Variants in FGF12 observed in about 807,000 individuals in gnomAD.
The protein encoded by FGF12 is fibroblast growth factor 12, also known as fibroblast growth factor 12B.
FGF12 carries 14 observed loss-of-function variants against 23.6 expected under a neutral mutation model. The observed-to-expected ratio is 0.59, with a 90% CI of 0.39 to 0.93. The LOEUF (loss-of-function observed/expected upper bound fraction) is 0.93. Among genes scored for constraint, FGF12 ranks in the 40% least tolerant of loss-of-function variants. The probability of loss-of-function intolerance (pLI) is 0.00; values close to 1 mark genes in which losing one functional copy is unlikely to be tolerated. For missense variants in FGF12, 175 were observed against 217.8 expected, an observed-to-expected ratio of 0.80 and a Z score of 1.24; for synonymous variants, 62 against 77.3, an observed-to-expected ratio of 0.80 and a Z score of 1.04.
intron 2 of FGF12, among the ~76,000 whole-genome samples, chr3:192,551,515 G>A (rs1457546499): frequency 6.6e-6 from 1 of 152,194 alleles, no homozygotes; most frequent in Admixed American, 6.5e-5. Flanking sequence ...ATTAAACAGT[G>A]CTCATAGATG....
At chr3:192,265,457 T>C (rs891923427) in intron 4 of FGF12, 1 of 152,154 alleles carries the variant, frequency 6.6e-6, no homozygotes, top group Non-Finnish European at 1.5e-5. Flanking sequence ...TCATGATAAG[T>C]ATTGATAAAG....
chr3:192,486,299 C>T (rs1723630767), intron 2 of FGF12, among the ~76,000 whole-genome samples: 1 of 151,878 alleles, frequency 6.6e-6, no homozygotes, highest in South Asian at 2.1e-4. Flanking sequence ...AACATGAAAG[C>T]AAATAGTTTT....
chr3:192,386,290 G>A (rs1405132955), intron 2 of FGF12, among the ~76,000 whole-genome samples: 1 of 152,166 alleles, frequency 6.6e-6, no homozygotes, highest in African/African-American at 2.4e-5. Context: ...ATGTTGGTGT[G>A]TAATTATACA....
chr3:192,329,034 T>C (rs183296060), intron 4 of FGF12, among the ~76,000 whole-genome samples: 43 of 152,324 alleles, frequency 2.8e-4, no homozygotes, highest in Non-Finnish European at 2.8e-4. Flanking sequence ...CGTCTATACT[T>C]GAAATAGGCA....
At chr3:192,233,877 G>A (rs934920566) in intron 4 of FGF12, among the ~76,000 whole-genome samples, 2 of 151,904 alleles carry the variant, frequency 1.3e-5, no homozygotes, top group Non-Finnish European at 2.9e-5. Context: ...TTATTTCCGG[G>A]TTATCTAATA....
intron 2 of FGF12, among the ~76,000 whole-genome samples, chr3:192,505,307 T>C (rs1286971547): frequency 2.6e-5 from 4 of 152,220 alleles, no homozygotes; most frequent in African/African-American, 9.6e-5. Context: ...GAAAGCCTCA[T>C]TCCCGCTGCT....
chr3:192,159,992 A>G (rs1714777217), intron 5 of FGF12, among the ~76,000 whole-genome samples: 1 of 151,818 alleles, frequency 6.6e-6, no homozygotes. Flanking sequence ...ACATTTCAGC[A>G]CACAGACCCA....
intron 2 of FGF12, among the ~76,000 whole-genome samples, chr3:192,483,240 AATTTTTTTAAT>A (rs1723531026): frequency 6.6e-6 from 1 of 151,990 alleles, no homozygotes; most frequent in Non-Finnish European, 1.5e-5. Flanking sequence ...TACTATTTAC[AATTTTTTTAAT>A]GGACTACTAT....
chr3:192,723,795 C>G (rs1443126416), intron 2 of FGF12, among the ~76,000 whole-genome samples: 1 of 149,900 alleles, frequency 6.7e-6, no homozygotes, highest in African/African-American at 2.5e-5. Flanking sequence ...GGCTGGAAAT[C>G]TACCTAGACA....
chr3:192,285,765 G>A (rs899770018), intron 4 of FGF12, among the ~76,000 whole-genome samples: 5 of 151,992 alleles, frequency 3.3e-5, no homozygotes, highest in Non-Finnish European at 7.4e-5. Context: ...CTTGCATGAA[G>A]TAAAAGAAAT....
intron 2 of FGF12, among the ~76,000 whole-genome samples, chr3:192,629,090 C>A (rs1364633752): frequency 6.6e-6 from 1 of 152,100 alleles, no homozygotes; most frequent in South Asian, 2.1e-4. Flanking sequence ...ATAAAACAGA[C>A]TATCATGACT....
At chr3:192,547,124 C>T (rs1169290440) in intron 2 of FGF12, among the ~76,000 whole-genome samples, 2 of 152,172 alleles carry the variant, frequency 1.3e-5, no homozygotes, top group Non-Finnish European at 2.9e-5. Flanking sequence ...ACCTACCCAA[C>T]TCTATCTGTA....
chr3:192,632,714 C>A (rs911367473), intron 2 of FGF12, among the ~76,000 whole-genome samples: 3 of 152,174 alleles, frequency 2.0e-5, no homozygotes, highest in African/African-American at 4.8e-5. Context: ...TCATCATCCC[C>A]ATTTTACAAT....
intron 4 of FGF12, among the ~76,000 whole-genome samples, chr3:192,316,353 C>G (rs1006079515): frequency 6.6e-6 from 1 of 152,128 alleles, no homozygotes; most frequent in Non-Finnish European, 1.5e-5. Context: ...CTGAAAGAGG[C>G]ACTGAAGAGG....
chr3:192,557,586 T>C (rs1711840819), intron 2 of FGF12, among the ~76,000 whole-genome samples: 1 of 151,886 alleles, frequency 6.6e-6, no homozygotes, highest in Non-Finnish European at 1.5e-5. Flanking sequence ...ATTACCTTGA[T>C]AGCAAAGACA....
intron 3 of FGF12, among the ~76,000 whole-genome samples, chr3:192,359,995 T>C (rs1238615507): frequency 3.3e-5 from 5 of 151,980 alleles, no homozygotes; most frequent in Non-Finnish European, 1.5e-5. Context: ...AGTGTTTACC[T>C]TAAGAGGTAA....
At chr3:192,568,361 T>G (rs1350497014) in intron 2 of FGF12, among the ~76,000 whole-genome samples, 1 of 152,180 alleles carries the variant, frequency 6.6e-6, no homozygotes, top group East Asian at 1.9e-4. Context: ...AGCTCATGCA[T>G]GTACACATTA....
At chr3:192,459,668 A>C (rs1722795653) in intron 2 of FGF12, among the ~76,000 whole-genome samples, 1 of 152,246 alleles carries the variant, frequency 6.6e-6, no homozygotes, top group South Asian at 2.1e-4. Flanking sequence ...GATTAATAAT[A>C]GAATCAAATT....
chr3:192,190,264 T>C (rs1397681771), intron 4 of FGF12, among the ~76,000 whole-genome samples: 1 of 152,112 alleles, frequency 6.6e-6, no homozygotes, highest in Non-Finnish European at 1.5e-5. Flanking sequence ...AAATTGCAAC[T>C]AGTATGAAGT....
Sources: allele counts gnomAD v4.1 joint callset (sites outside exome capture counted in the v4.1 genomes callset), GRCh38; gene constraint gnomAD v4.1.1; transcripts MANE v1.5; gene names NCBI Gene and HGNC (gene_info 2026-07-23, HGNC 2026-07-21).